Variants in EIF4B observed in about 807,000 individuals in gnomAD.
EIF4B encodes eukaryotic translation initiation factor 4B.
Under a neutral mutation model 79.3 loss-of-function variants are expected in EIF4B, and 8 were observed. That is an observed-to-expected ratio of 0.10 (90% confidence interval 0.06 to 0.18). The LOEUF is 0.18. Among genes scored for constraint, EIF4B ranks in the 10% least tolerant of loss-of-function variants. The pLI, the probability that EIF4B is intolerant of heterozygous loss-of-function variation, is 1.00. For missense variants in EIF4B, 515 were observed against 792.4 expected (o/e 0.65, Z 4.20); for synonymous variants, 238 against 274.7 (o/e 0.87, Z 1.32).
Position 53,027,775 on chromosome 12 carries a change from C to T in EIF4B, c.668-7C>T, listed in dbSNP as rs1398200163. 3 of 1,612,016 alleles carry T rather than the reference C, an allele frequency of 1.9e-6. No homozygotes were observed. Among genetic ancestry groups the T allele is most frequent in the African/African-American group, 2.7e-5 (2 of 74,890 alleles). On this transcript the variant is annotated splice_polypyrimidine_tract_variant and splice_region_variant and intron_variant, in intron 6 of 14. Transcript: ENST00000262056. ...AGGGGATGGTGTTACTTGTCTGTTT[C>T]CTCTAGAGTATCGAGATCGTTATGA... is the stretch of plus-strand genomic sequence containing the variant.
intron 1 of EIF4B, 128 bp from the exon 2 acceptor site, chr12:53,016,345 C>G (rs1943148264): frequency 1.6e-6 from 2 of 1,249,662 alleles, no homozygotes; most frequent in Non-Finnish European, 2.2e-6. Context: ...CATGGAAATG[C>G]CATAATTTAA....
chr12:53,010,425 C>T (rs1943044466), intron 1 of EIF4B, among the ~76,000 whole-genome samples: 1 of 152,104 alleles, frequency 6.6e-6, no homozygotes, highest in South Asian at 2.1e-4. Flanking sequence ...AAGGGTTTAT[C>T]CTGACAGTCT....
In EIF4B at chr12:53,040,130, C is replaced by G; in HGVS notation, c.1756-13C>G. The G allele has an allele frequency of 1.2e-6, 2 of 1,613,998 alleles. No homozygotes were observed. Among genetic ancestry groups the G allele is most frequent in the Non-Finnish European group, 1.7e-6 (2 of 1,179,884 alleles). Reference sequence around the variant, plus strand: ...AGGGCCTTCATTATCCTGTCACTCTCGTTGTGTTACAGAAGTTCAGTTCTG... The same window carrying G: ...AGGGCCTTCATTATCCTGTCACTCTGGTTGTGTTACAGAAGTTCAGTTCTG... On this transcript the variant is annotated splice_polypyrimidine_tract_variant and intron_variant, in intron 14 of 14. Transcript: ENST00000262056.
intron 1 of EIF4B, among the ~76,000 whole-genome samples, chr12:53,006,954 G>A (rs535813194): frequency 6.8e-4 from 103 of 150,582 alleles, no homozygotes; most frequent in Non-Finnish European, 1.3e-3. Flanking sequence ...AAGTGTGGTG[G>A]GGGGGAGCAG....
intron 1 of EIF4B, among the ~76,000 whole-genome samples, chr12:53,016,261 G>A (rs899141463): frequency 8.4e-5 from 12 of 142,730 alleles, no homozygotes; most frequent in African/African-American, 2.5e-4. Context: ...TTTTCCGTAC[G>A]TAAACATGTG....
chr12:53,014,973 G>A lies in EIF4B; in HGVS notation c.14-1500G>A, dbSNP rs529141734. 6 of 152,322 alleles carry A rather than the reference G, an allele frequency of 3.9e-5. No individual in the cohort carries two copies. The South Asian group carries it at 8.3e-4, about 21-fold the overall frequency. The allele number at this position is 152,322 out of a possible 1,614,324, so 9.4% of individuals were successfully genotyped here. ...GGACCACAAAGAAAGAGCAGTGTCA[G>A]TTCACTAAGTTGAGCCATTTGGAGA... On this transcript the variant is annotated intron_variant, in intron 1 of 14. Coordinates refer to ENST00000262056, the MANE Select transcript of EIF4B (RefSeq NM_001417.7).
intron 6 of EIF4B, among the ~76,000 whole-genome samples, chr12:53,027,044 C>T (rs1339255902): frequency 6.7e-6 from 1 of 148,504 alleles, no homozygotes; most frequent in Non-Finnish European, 1.5e-5. Context: ...AATCCCAGCA[C>T]TTTGGGAGAC....
Position 53,028,194 on chromosome 12 carries a change from A to G in EIF4B, c.979+6A>G, listed in dbSNP as rs760887210. The stretch of plus-strand genomic sequence containing the variant: ...TTATAGGCGTGATGATAGAGGTAAT[A>G]GTTTTCTTTTTACGTACTTCATGGA... On this transcript the variant is annotated splice_donor_region_variant and intron_variant, in intron 8 of 14. Coordinates refer to ENST00000262056, the MANE Select transcript of EIF4B (RefSeq NM_001417.7). The G allele has an allele frequency of 1.3e-6, 2 of 1,561,806 alleles. No homozygotes were observed. Among genetic ancestry groups the G allele is most frequent in the South Asian group, 2.4e-5 (2 of 83,062 alleles).
chr12:53,040,699 T>A lies in EIF4B; in HGVS notation c.*476T>A, dbSNP rs1229110923. ...ATTTTCCACTCTTGGAAAGGTAGATTTAGCCTCAAGTTGTTCTAGTCTCCA... is the reference window on the plus strand; with the variant it reads ...ATTTTCCACTCTTGGAAAGGTAGATATAGCCTCAAGTTGTTCTAGTCTCCA... On this transcript the variant is annotated 3_prime_UTR_variant, in exon 15 of 15. Transcript: ENST00000262056. The A allele has an allele frequency of 1.3e-5, 2 of 152,850 alleles. No homozygotes were observed. Among genetic ancestry groups the A allele is most frequent in the Non-Finnish European group, 2.9e-5 (2 of 68,502 alleles). 9.5% of individuals were successfully genotyped at this position (152,850 alleles called of 1,614,324 possible). A position where few individuals can be genotyped will look rare whatever the true frequency, so the allele number is the denominator to read the frequency against.
intron 8 of EIF4B, among the ~76,000 whole-genome samples, chr12:53,028,719 C>T (rs1319142365): frequency 6.6e-6 from 1 of 151,968 alleles, no homozygotes; most frequent in East Asian, 1.9e-4. Flanking sequence ...ATGTTGTGAT[C>T]TCAGTAAATT....
rs778208458 is a variant in EIF4B at position 53,038,586 on chromosome 12, G to A, written c.1576+175G>A. On this transcript the variant is annotated intron_variant, in intron 12 of 14. Transcript: ENST00000262056. ...TCCCAGCACTTTGGGAGGCCAAGGC[G>A]GGCAGATCACAGGGCAGGAGTTTGA... 3.6e-5 allele frequency: 13 copies of A among 361,724 alleles called. 1 individual carries two copies. The highest frequency in any genetic ancestry group is 1.8e-4 in the South Asian group (3 of 16,520). The allele number at this position is 361,724 out of a possible 1,614,324, so 22.4% of individuals were successfully genotyped here.
chr12:53,029,878 CTT>C (rs1267058367), intron 8 of EIF4B, among the ~76,000 whole-genome samples: 2 of 151,676 alleles, frequency 1.3e-5, no homozygotes, highest in Non-Finnish European at 2.9e-5. Context: ...ATGGTGAAGT[CTT>C]TACTCCTTCC....
At position 53,037,661 on chromosome 12, in the gene EIF4B, T is replaced by C. The variant is rs913657832; in HGVS notation, c.1520+39T>C. ...GAAACAGTAGTTGGTTAACTGCAGATTCTAAAATACTGTGATGTAATGATG... is the reference window on the plus strand; with the variant it reads ...GAAACAGTAGTTGGTTAACTGCAGACTCTAAAATACTGTGATGTAATGATG... On this transcript the variant is annotated intron_variant, in intron 11 of 14. Transcript: ENST00000262056. The C allele has an allele frequency of 2.8e-5, 45 of 1,602,828 alleles. No homozygotes were observed. The African/African-American group carries it at 5.8e-4, about 21-fold the overall frequency.
At position 53,006,457 on chromosome 12, in the gene EIF4B, T is replaced by G. The variant is rs1354995502; in HGVS notation, c.-27T>G. The G allele has an allele frequency of 6.8e-6, 11 of 1,613,034 alleles. No homozygotes were observed. Among genetic ancestry groups the G allele is most frequent in the Non-Finnish European group, 9.3e-6 (11 of 1,179,992 alleles). ...ATCACGTGATTGCCTCATCCGGGTCTTTTGCGTTCTCTTTCCCTCTCCCAA... is the reference window on the plus strand; with the variant it reads ...ATCACGTGATTGCCTCATCCGGGTCGTTTGCGTTCTCTTTCCCTCTCCCAA... On this transcript the variant is annotated 5_prime_UTR_variant, in exon 1 of 15. Coordinates refer to ENST00000262056, the MANE Select transcript of EIF4B (RefSeq NM_001417.7).
At chr12:53,016,075 T>C (rs751240252) in intron 1 of EIF4B, among the ~76,000 whole-genome samples, 31 of 152,332 alleles carry the variant, frequency 2.0e-4, no homozygotes, top group African/African-American at 2.6e-4. Context: ...GAATATGTTA[T>C]GTGAGATACG....
At chr12:53,031,608 CT>C (rs1473958634) in intron 8 of EIF4B, among the ~76,000 whole-genome samples, 2 of 152,168 alleles carry the variant, frequency 1.3e-5, no homozygotes, top group African/African-American at 4.8e-5. Context: ...AAATGAGCTA[CT>C]TTTTCTGAGC....
chr12:53,022,430 TGA>T, intron 5 of EIF4B, 61 bp from the exon 6 acceptor site: 1 of 1,599,814 alleles, frequency 6.3e-7, no homozygotes, highest in Non-Finnish European at 8.5e-7. Context: ...TTTCTATGTG[TGA>T]GAAATATTGG....
intron 10 of EIF4B, 88 bp from the exon 11 acceptor site, chr12:53,037,321 G>A: frequency 6.9e-7 from 1 of 1,447,846 alleles, no homozygotes; most frequent in South Asian, 1.3e-5. Context: ...AAACTTGGAT[G>A]TGGACCATTT....
rs1399415129 is a variant in EIF4B at position 53,033,808 on chromosome 12, C to A, written c.982C>A (p.Pro328Thr). ...ACTTAAAGTTTCATTTAACTTAGGT[C>A]CCCCCCAAAGACCCAAACTGAATCT... ...RDDYRRDDRG[P>T]PQRPKLNLKP... The change falls in exon 9 of 15, where the codon CCC (proline) becomes ACC (threonine). Residue 328 changes from proline to threonine, a missense_variant and splice_region_variant. Coordinates refer to ENST00000262056, the MANE Select transcript of EIF4B (RefSeq NM_001417.7). 6.3e-7 allele frequency: 1 copy of A among 1,582,108 alleles called. No individual in the cohort carries two copies. Among genetic ancestry groups the A allele is most frequent in the South Asian group, 1.2e-5 (1 of 86,192 alleles).
Sources: allele counts gnomAD v4.1 joint callset (sites outside exome capture counted in the v4.1 genomes callset), GRCh38; gene constraint gnomAD v4.1.1; transcripts MANE v1.5; gene names NCBI Gene and HGNC (gene_info 2026-07-23, HGNC 2026-07-21).